The following CRKL variants were observed in gnomAD, a reference collection of about 807,000 sequenced individuals.
The protein encoded by CRKL is CRK like proto-oncogene, adaptor protein.
In CRKL, 3 loss-of-function variants were observed where a neutral mutation model predicts 23.0. That is an observed-to-expected ratio of 0.13 (90% CI 0.06 to 0.34). CRKL has a LOEUF of 0.34. Ranked by LOEUF, CRKL falls within the 10% of genes least tolerant of loss-of-function variation. The probability of loss-of-function intolerance (pLI) is 1.00; values close to 1 mark genes in which losing one functional copy is unlikely to be tolerated. For missense variants in CRKL, 256 were observed against 394.5 expected (o/e 0.65, Z 2.97); for synonymous variants, 188 against 160.7 (o/e 1.17, Z -1.28).
At chr22:20,920,617 T>C (rs1441073514) in intron 1 of CRKL, among the ~76,000 whole-genome samples, 1 of 152,202 alleles carries the variant, frequency 6.6e-6, no homozygotes, top group East Asian at 1.9e-4. Flanking sequence ...GCATGCATCT[T>C]CTTAGAGAAC....
In CRKL at chr22:20,934,352, C is replaced by G. The variant is rs1275449466; in HGVS notation, c.777+108C>G. The G allele has an allele frequency of 5.9e-6, 6 of 1,017,980 alleles. No homozygotes were observed. The African/African-American group carries it at 6.5e-5, about 11-fold the overall frequency. 63.1% of individuals were successfully genotyped at this position (1,017,980 alleles called of 1,614,324 possible). ...AGCTTATATTCATGGAATTAGAGCA[C>G]TGGATGATTTTGGAAGATACGCACT... On this transcript the variant is annotated intron_variant, in intron 2 of 2. Coordinates refer to ENST00000354336, the MANE Select transcript of CRKL (RefSeq NM_005207.4).
intron 1 of CRKL, among the ~76,000 whole-genome samples, chr22:20,926,616 G>A (rs1313132697): frequency 6.6e-6 from 1 of 152,222 alleles, no homozygotes; most frequent in East Asian, 1.9e-4. Context: ...AGAGGTAAGG[G>A]CTGAATACAT....
intron 1 of CRKL, among the ~76,000 whole-genome samples, chr22:20,927,191 A>AGTTTTT (rs1921248221): frequency 2.6e-5 from 1 of 38,370 alleles, no homozygotes; most frequent in Non-Finnish European, 4.6e-5. Context: ...CTTGGAATTG[A>AGTTTTT]ATTTTTTTTT....
rs1308768929 is a variant in CRKL, at chr22:20,950,552, T to C, written c.*707T>C. 8.9e-6 allele frequency: 2 copies of C among 224,022 alleles called. No homozygotes were observed. Among genetic ancestry groups the C allele is most frequent in the Admixed American group, 1.1e-4 (2 of 17,426 alleles). 13.9% of individuals were successfully genotyped at this position (224,022 alleles called of 1,614,324 possible). A position where few individuals can be genotyped will look rare whatever the true frequency, so the allele number is the denominator to read the frequency against. The stretch of plus-strand genomic sequence containing the variant: ...CCTCAGCCTCCCAAGTAGCTGGGAC[T>C]GCAGGCGCGCACACCACGCCCAGCT... On this transcript the variant is annotated 3_prime_UTR_variant, in exon 3 of 3. Coordinates refer to ENST00000354336, the MANE Select transcript of CRKL (RefSeq NM_005207.4).
chr22:20,940,163 G>A (rs1202707846), intron 2 of CRKL, among the ~76,000 whole-genome samples: 1 of 152,082 alleles, frequency 6.6e-6, no homozygotes, highest in Non-Finnish European at 1.5e-5. Context: ...TGCAGGTTTT[G>A]TAAAAGCACC....
chr22:20,930,921 A>G (rs1047135532), intron 1 of CRKL, among the ~76,000 whole-genome samples: 1 of 144,764 alleles, frequency 6.9e-6, no homozygotes, highest in African/African-American at 2.6e-5. Flanking sequence ...TGACCTTGTG[A>G]TCCGTCCACC....
chr22:20,952,100 GTGGA>G lies in CRKL; in HGVS notation c.*2256_*2259del. The G allele has an allele frequency of 8.8e-6, 2 of 228,440 alleles. No individual in the cohort carries two copies. Among genetic ancestry groups the G allele is most frequent in the Non-Finnish European group, 8.7e-6 (1 of 115,142 alleles). The allele number at this position is 228,440 out of a possible 1,614,324, so 14.2% of individuals were successfully genotyped here. A position where few individuals can be genotyped will look rare whatever the true frequency, so the allele number is the denominator to read the frequency against. On this transcript the variant is annotated 3_prime_UTR_variant, in exon 3 of 3. Coordinates refer to ENST00000354336, the MANE Select transcript of CRKL (RefSeq NM_005207.4). ...CATCCCGGCCCATGTTGAGCCATGA[GTGGA>G]GTTTCCAACAGAGGGAGGAATGTGT...
At chr22:20,925,994 A>G (rs1921188141) in intron 1 of CRKL, among the ~76,000 whole-genome samples, 1 of 152,226 alleles carries the variant, frequency 6.6e-6, no homozygotes, top group African/African-American at 2.4e-5. Context: ...GAATGCCATG[A>G]CAGCTTAAAA....
intron 1 of CRKL, among the ~76,000 whole-genome samples, chr22:20,918,512 A>G (rs910125110): frequency 6.6e-6 from 1 of 151,956 alleles, no homozygotes; most frequent in African/African-American, 2.4e-5. Context: ...TTGCATAGTT[A>G]AAATGCACGC....
chr22:20,932,711 A>C (rs1392165395), intron 1 of CRKL, among the ~76,000 whole-genome samples: 2 of 152,220 alleles, frequency 1.3e-5, no homozygotes, highest in East Asian at 3.9e-4. Context: ...CATTCAGAAT[A>C]GTAACTTTTG....
At chr22:20,931,500 T>G (rs1256878368) in intron 1 of CRKL, among the ~76,000 whole-genome samples, 1 of 152,192 alleles carries the variant, frequency 6.6e-6, no homozygotes, top group Non-Finnish European at 1.5e-5. Flanking sequence ...TGCTCGGTAA[T>G]TTTGAATGCC....
At chr22:20,921,175 G>T (rs930677102) in intron 1 of CRKL, among the ~76,000 whole-genome samples, 1 of 152,178 alleles carries the variant, frequency 6.6e-6, no homozygotes, top group Non-Finnish European at 1.5e-5. Context: ...GCTTAACTTT[G>T]CAGGCATCAA....
chr22:20,933,973 G>A lies in CRKL; in HGVS notation c.506G>A (p.Arg169Gln), dbSNP rs373785511. 6.2e-6 allele frequency: 10 copies of A among 1,614,062 alleles called. No homozygotes were observed. The highest frequency in any genetic ancestry group is 4.0e-5 in the African/African-American group (3 of 74,914). The part of the protein sequence containing the change: ...QWWSARNKDG[R>Q]VGMIPVPYVE... ...TGGAGTGCCCGGAACAAGGATGGCC[G>A]GGTTGGGATGATTCCTGTCCCTTAT... Residue 169 changes from arginine to glutamine, a missense_variant, in exon 2 of 3, where the codon CGG (arginine) becomes CAG (glutamine). By Grantham distance (43) the Arg-to-Gln change is conservative (BLOSUM62 1). Around this residue, in one of 3 missense-constraint regions of CRKL, gnomAD observed 129 missense variants for 222.1 expected, o/e 0.58. Coordinates refer to ENST00000354336, the MANE Select transcript of CRKL (RefSeq NM_005207.4).
rs67055933 is a variant in CRKL, at chr22:20,934,805, ATTTTT to A, written c.777+583_777+587del. Among the ~76,000 whole-genome samples, 389 of 98,526 alleles carry A rather than the reference ATTTTT, an allele frequency of 3.9e-3. 1 individual carries two copies. The highest frequency in any genetic ancestry group is 9.5e-3 in the Middle Eastern group (2 of 210). 64.6% of individuals were successfully genotyped at this position (98,526 alleles called of 152,430 possible). On this transcript the variant is annotated intron_variant, in intron 2 of 2. Coordinates refer to ENST00000354336, the MANE Select transcript of CRKL (RefSeq NM_005207.4). ...TCTCTTGAGCTTGGTAGAGGAATGAATTTTTTTTTTTTTTTTTTTTTTTTTTGAGA... is the reference window on the plus strand; with the variant it reads ...TCTCTTGAGCTTGGTAGAGGAATGAATTTTTTTTTTTTTTTTTTTTTGAGA...
chr22:20,951,100 G>C lies in CRKL; in HGVS notation c.*1255G>C, dbSNP rs530300574. On this transcript the variant is annotated 3_prime_UTR_variant, in exon 3 of 3. Transcript: ENST00000354336. ...TTTTCAGTGAATGTACCCCTTTAAG[G>C]TTCAGACTTAAACTTCCTTAAAAAG... 4.3e-6 allele frequency: 1 copy of C among 232,380 alleles called. No individual in the cohort carries two copies. The highest frequency in any genetic ancestry group is 1.8e-4 in the South Asian group (1 of 5,520). 14.4% of individuals were successfully genotyped at this position (232,380 alleles called of 1,614,324 possible).
At chr22:20,919,556 C>T (rs1357810785) in intron 1 of CRKL, among the ~76,000 whole-genome samples, 1 of 152,070 alleles carries the variant, frequency 6.6e-6, no homozygotes, top group Non-Finnish European at 1.5e-5. Context: ...CAGAGATTTG[C>T]TTTTATTGTT....
At chr22:20,925,081 C>T (rs910229550) in intron 1 of CRKL, among the ~76,000 whole-genome samples, 8 of 149,232 alleles carry the variant, frequency 5.4e-5, no homozygotes, top group African/African-American at 1.5e-4. Context: ...CCAGCTACTC[C>T]GGAGGTTGAG....
intron 1 of CRKL, among the ~76,000 whole-genome samples, chr22:20,919,205 T>TAA (rs1224268049): frequency 1.3e-5 from 2 of 152,126 alleles, no homozygotes; most frequent in Non-Finnish European, 2.9e-5. Context: ...CCACCACTTT[T>TAA]ATAGTACGTT....
intron 2 of CRKL, among the ~76,000 whole-genome samples, chr22:20,935,991 C>T (rs1220077288): frequency 1.3e-5 from 2 of 152,112 alleles, no homozygotes; most frequent in African/African-American, 4.8e-5. Context: ...AACCCCATCT[C>T]TACCAAAAAA....
Sources: gnomAD v4.1 joint callset for allele counts (sites outside exome capture counted in the v4.1 genomes callset) on GRCh38, gnomAD v4.1.1 for gene constraint, gnomAD v4.1.1 regional missense constraint, MANE v1.5 for transcripts, NCBI Gene and HGNC (gene_info 2026-07-23, HGNC 2026-07-21) for gene names.